POLR2B: variants seen among roughly 807,000 people sequenced by gnomAD.
The protein encoded by POLR2B is RNA polymerase II subunit B, also known as DNA-directed RNA polymerase II subunit RPB2.
POLR2B carries 57 observed loss-of-function variants against 144.6 expected under a neutral mutation model. That is an observed-to-expected ratio of 0.39 (90% CI 0.32 to 0.49). The LOEUF (loss-of-function observed/expected upper bound fraction) is 0.49, where lower values mean the gene tolerates loss of function less well. POLR2B is among the 20% of genes least tolerant of loss of function. POLR2B has a pLI of 0.83. For missense variants in POLR2B, 595 were observed against 1,467.4 expected, an observed-to-expected ratio of 0.41 and a Z score of 9.71; for synonymous variants, 442 against 469.8, an observed-to-expected ratio of 0.94 and a Z score of 0.77.
chr4:57,004,538 C>T (rs1036375928), intron 7 of POLR2B, among the ~76,000 whole-genome samples: 1 of 151,248 alleles, frequency 6.6e-6, no homozygotes, highest in African/African-American at 2.5e-5. Flanking sequence ...GCAGGCCAAA[C>T]ATTTTTTAAT....
In POLR2B at chr4:57,017,081, T is replaced by C; in HGVS notation, c.1994T>C (p.Ile665Thr). ...DLVASGVVEY[I>T]DTLEEETVML... ...GTGGCCAGTGGGGTAGTGGAGTATATTGATACCCTGGAAGAAGAAACAGTG... is the reference window on the plus strand; with the variant it reads ...GTGGCCAGTGGGGTAGTGGAGTATACTGATACCCTGGAAGAAGAAACAGTG... The change falls in exon 15 of 25, where the codon ATT (isoleucine) becomes ACT (threonine). Residue 665 changes from isoleucine to threonine, a missense_variant. Coordinates refer to ENST00000314595, the MANE Select transcript of POLR2B (RefSeq NM_000938.3). The surrounding 1 kb of genome is among the most constrained non-coding windows in gnomAD (Gnocchi z 4.8). 1 of 1,613,160 alleles carries C rather than the reference T, an allele frequency of 6.2e-7. No homozygotes were observed. Among genetic ancestry groups the C allele is most frequent in the Non-Finnish European group, 8.5e-7 (1 of 1,179,656 alleles).
intron 23 of POLR2B, among the ~76,000 whole-genome samples, chr4:57,026,765 A>G (rs1723734518): frequency 1.3e-5 from 2 of 151,884 alleles, no homozygotes; most frequent in East Asian, 3.9e-4. Flanking sequence ...TGTCTCGATA[A>G]CAAAACAAAA....
chr4:56,999,311 T>C (rs1722784803), intron 6 of POLR2B, among the ~76,000 whole-genome samples: 1 of 151,718 alleles, frequency 6.6e-6, no homozygotes. Flanking sequence ...TCAGTATTCA[T>C]ATTTTTTTGC....
At chr4:57,001,370 A>G (rs1204076429) in intron 7 of POLR2B, among the ~76,000 whole-genome samples, 1 of 152,158 alleles carries the variant, frequency 6.6e-6, no homozygotes, top group African/African-American at 2.4e-5. Flanking sequence ...TGTTGGCCAA[A>G]CTGGTCACAA....
chr4:56,985,837 CT>C (rs1560470415), intron 1 of POLR2B, among the ~76,000 whole-genome samples: 2 of 152,176 alleles, frequency 1.3e-5, no homozygotes, highest in Non-Finnish European at 2.9e-5. Context: ...GAGTCAAAAT[CT>C]ACCCGATTCA....
At chr4:56,996,238 G>GTGTGTATGTA (rs1491167997) in intron 6 of POLR2B, among the ~76,000 whole-genome samples, 1 of 106,860 alleles carries the variant, frequency 9.4e-6, no homozygotes, top group Non-Finnish European at 2.0e-5. Context: ...GTGTGTGTGT[G>GTGTGTATGTA]TATGTATATG....
At chr4:56,997,989 T>C (rs983790225) in intron 6 of POLR2B, among the ~76,000 whole-genome samples, 1 of 152,168 alleles carries the variant, frequency 6.6e-6, no homozygotes, top group African/African-American at 2.4e-5. Flanking sequence ...GAGACTATCA[T>C]GGCAACTCTG....
chr4:57,000,766 G>A (rs754597309), intron 7 of POLR2B, among the ~76,000 whole-genome samples: 1 of 152,134 alleles, frequency 6.6e-6, no homozygotes, highest in African/African-American at 2.4e-5. Flanking sequence ...CACGATCTCG[G>A]CTCACCACAA....
rs748213016 is a variant in POLR2B at position 56,994,869 on chromosome 4, A to G, written c.576+3A>G. The stretch of plus-strand genomic sequence containing the variant: ...TCATTATTAATGGATCAGAAAAGGT[A>G]TAGTAACATTATTTTAAAAAATTAC... On this transcript the variant is annotated splice_donor_region_variant and intron_variant, in intron 5 of 24. Transcript: ENST00000314595. 33 of 1,465,848 alleles carry G rather than the reference A, an allele frequency of 2.3e-5. No homozygotes were observed. The highest frequency in any genetic ancestry group is 3.1e-5 in the Non-Finnish European group (33 of 1,064,716). The allele number at this position is 1,465,848 out of a possible 1,614,324, so 90.8% of individuals were successfully genotyped here. A position where few individuals can be genotyped will look rare whatever the true frequency, so the allele number is the denominator to read the frequency against.
Position 56,979,868 on chromosome 4 carries a change from C to T in POLR2B, c.19+864C>T, listed in dbSNP as rs546079534. On this transcript the variant is annotated intron_variant, in intron 1 of 24. Transcript: ENST00000314595. ...GAGCTGAGATCGCACCACTACACCA[C>T]AGCCTGAGTGACAGAGTTAGACTGT... Among the ~76,000 whole-genome samples, 22 of 147,636 alleles carry T rather than the reference C, an allele frequency of 1.5e-4. No homozygotes were observed. The South Asian group carries it at 4.1e-3, about 28-fold the overall frequency.
chr4:57,022,042 C>T (rs1289182057), intron 17 of POLR2B, 110 bp from the exon 18 acceptor site: 5 of 634,262 alleles, frequency 7.9e-6, no homozygotes, highest in Non-Finnish European at 8.4e-6. Flanking sequence ...GTCCCAGATT[C>T]GTAGTTTAAA....
chr4:57,019,407 G>A (rs756999946), intron 16 of POLR2B, among the ~76,000 whole-genome samples: 1 of 149,396 alleles, frequency 6.7e-6, no homozygotes, highest in Admixed American at 6.7e-5. Flanking sequence ...GGTCTACTTT[G>A]TTGCCCAGGC....
At chr4:56,994,376 C>A in intron 3 of POLR2B, 28 bp from the exon 4 acceptor site, 1 of 1,157,846 alleles carries the variant, frequency 8.6e-7, no homozygotes, top group Non-Finnish European at 1.3e-6. Flanking sequence ...ATTATTTACC[C>A]TTTTCATGTT....
At chr4:57,018,706 A>G (rs60235867) in intron 16 of POLR2B, among the ~76,000 whole-genome samples, 3,114 of 152,324 alleles carry the variant, frequency 0.02, 107 homozygotes, top group African/African-American at 0.071. Context: ...TAATTTATTA[A>G]TGATAATTAT....
At chr4:57,022,050 A>C (rs1723570210) in intron 17 of POLR2B, 102 bp from the exon 18 acceptor site, 10 of 662,596 alleles carry the variant, frequency 1.5e-5, no homozygotes, top group Admixed American at 3.0e-5. Context: ...TTCGTAGTTT[A>C]AATTGTCTCC....
intron 6 of POLR2B, among the ~76,000 whole-genome samples, chr4:56,996,686 C>A (rs1722701574): frequency 6.6e-6 from 1 of 152,088 alleles, no homozygotes. Flanking sequence ...GCATACCTGT[C>A]ACCTCAAGAA....
intron 9 of POLR2B, among the ~76,000 whole-genome samples, chr4:57,006,329 A>C (rs1723016542): frequency 6.6e-6 from 1 of 152,054 alleles, no homozygotes; most frequent in South Asian, 2.1e-4. Flanking sequence ...ATTGAGATGG[A>C]ATTTCACTCT....
chr4:57,000,577 T>C (rs1236656941), intron 7 of POLR2B, among the ~76,000 whole-genome samples: 3 of 152,242 alleles, frequency 2.0e-5, no homozygotes, highest in Non-Finnish European at 4.4e-5. Context: ...GAGAGTAAGT[T>C]ATAGCCAATA....
At chr4:57,021,305 G>A (rs1718864) in intron 17 of POLR2B, among the ~76,000 whole-genome samples, 55,964 of 151,602 alleles carry the variant, frequency 0.37, 10,593 homozygotes, top group South Asian at 0.47. Context: ...TTTTCTTTTC[G>A]CTCTTTTTTT....
Sources: gnomAD v4.1 joint callset for allele counts (sites outside exome capture counted in the v4.1 genomes callset) on GRCh38, gnomAD v4.1.1 for gene constraint, Gnocchi (gnomAD v3.1) non-coding constraint, MANE v1.5 for transcripts, NCBI Gene and HGNC (gene_info 2026-07-23, HGNC 2026-07-21) for gene names.